The following LMTK2 variants were observed in gnomAD, a reference collection of about 807,000 sequenced individuals.
LMTK2 encodes the protein lemur tail kinase 2.
LMTK2 carries 37 observed loss-of-function variants against 127.5 expected under a neutral mutation model. The observed-to-expected ratio is 0.29, with a 90% confidence interval of 0.22 to 0.38. The LOEUF (loss-of-function observed/expected upper bound fraction) is 0.38. LMTK2 is among the 10% of genes least tolerant of loss of function. LMTK2 has a pLI of 1.00. For missense variants in LMTK2, 1,694 were observed against 1,920.3 expected, an observed-to-expected ratio of 0.88 and a Z score of 2.20; for synonymous variants, 819 against 810.1, an observed-to-expected ratio of 1.01 and a Z score of -0.19.
chr7:98,159,898 T>C (rs1796987946), intron 6 of LMTK2, among the ~76,000 whole-genome samples: 1 of 152,188 alleles, frequency 6.6e-6, no homozygotes, highest in South Asian at 2.1e-4. Context: ...AGCAAACGTA[T>C]GTGACATTTA....
chr7:98,193,907 G>GC lies in LMTK2; in HGVS notation c.3445dup (p.Gln1149ProfsTer3). 6.2e-7 allele frequency: 1 copy of GC among 1,614,126 alleles called. No homozygotes were observed. Among genetic ancestry groups the GC allele is most frequent in the Non-Finnish European group, 8.5e-7 (1 of 1,180,042 alleles). ...AGTCCTCCCCGAGCAAAGTCCTGCT[G>GC]CCCAGGATAGCTGCCTGGAAGCCAG... On this transcript the variant is annotated frameshift_variant, in exon 11 of 14. Coordinates refer to ENST00000297293, the MANE Select transcript of LMTK2 (RefSeq NM_014916.4). LOFTEE classifies it high-confidence loss of function. This position sits in a 1 kb window ranked among gnomAD's most constrained non-coding sequence, Gnocchi z 4.1.
chr7:98,204,402 AG>A (rs1797758070), intron 13 of LMTK2, among the ~76,000 whole-genome samples: 1 of 151,976 alleles, frequency 6.6e-6, no homozygotes, highest in Non-Finnish European at 1.5e-5. Context: ...TGGGAGGATC[AG>A]TTGAGCCTGG....
chr7:98,141,606 T>C, intron 3 of LMTK2, 65 bp downstream of exon 3: 2 of 1,477,108 alleles, frequency 1.4e-6, no homozygotes, highest in Non-Finnish European at 1.9e-6. Flanking sequence ...AATGGGAGCC[T>C]AGCCATCATA....
intron 1 of LMTK2, among the ~76,000 whole-genome samples, chr7:98,116,822 C>T (rs1796293520): frequency 6.6e-6 from 1 of 152,176 alleles, no homozygotes; most frequent in Non-Finnish European, 1.5e-5. Flanking sequence ...AGTTATGCCC[C>T]TTGGGCTCCC....
intron 1 of LMTK2, among the ~76,000 whole-genome samples, chr7:98,131,470 CAT>C (rs922672920): frequency 3.3e-5 from 5 of 152,046 alleles, no homozygotes; most frequent in Admixed American, 6.6e-5. Flanking sequence ...TGGTATTTCA[CAT>C]GTCTCGCTAT....
At chr7:98,176,905 T>C (rs193052272) in intron 7 of LMTK2, among the ~76,000 whole-genome samples, 183 of 152,282 alleles carry the variant, frequency 1.2e-3, no homozygotes, top group African/African-American at 4.2e-3. Flanking sequence ...CACCAACTCT[T>C]AAGTGGTAGT....
intron 2 of LMTK2, among the ~76,000 whole-genome samples, chr7:98,139,967 G>T (rs1796651854): frequency 6.6e-6 from 1 of 152,016 alleles, no homozygotes; most frequent in Admixed American, 6.5e-5. Flanking sequence ...TTGATAATTG[G>T]CCGTGTCTAT....
chr7:98,134,563 C>T (rs189168855), intron 1 of LMTK2, among the ~76,000 whole-genome samples: 1 of 151,938 alleles, frequency 6.6e-6, no homozygotes, highest in Non-Finnish European at 1.5e-5. Context: ...GCCTGTAATC[C>T]CAGCGCTTTG....
intron 4 of LMTK2, 97 bp downstream of exon 4, chr7:98,151,552 C>CACAGGGCACG: frequency 2.1e-6 from 2 of 952,574 alleles, no homozygotes; most frequent in Non-Finnish European, 3.2e-6. Flanking sequence ...TCCACGTGCC[C>CACAGGGCACG]TGTGGGCCCT....
intron 11 of LMTK2, among the ~76,000 whole-genome samples, chr7:98,198,271 A>G (rs1584299028): frequency 1.3e-5 from 2 of 150,016 alleles, no homozygotes; most frequent in African/African-American, 4.9e-5. Context: ...GCTCACTGCA[A>G]CCTCCGCCTC....
In LMTK2 at chr7:98,171,102, G is replaced by T. The variant is rs985647360; in HGVS notation, c.658-439G>T. On this transcript the variant is annotated intron_variant, in intron 6 of 13. Transcript: ENST00000297293. This position sits in a 1 kb window ranked among gnomAD's most constrained non-coding sequence, Gnocchi z 5.1. The stretch of plus-strand genomic sequence containing the variant: ...TTCTTTCCTTCTCTCCCGCTCCATT[G>T]CTCCTCCAAGCTTTGGCAGTAACCA... Among the ~76,000 whole-genome samples the T allele has an allele frequency of 1.1e-4, 16 of 151,938 alleles. No individual in the cohort carries two copies. Among genetic ancestry groups the T allele is most frequent in the Non-Finnish European group, 1.9e-4 (13 of 68,004 alleles).
intron 11 of LMTK2, among the ~76,000 whole-genome samples, chr7:98,201,025 TTCTC>T (rs1303356499): frequency 2.0e-5 from 3 of 152,116 alleles, no homozygotes; most frequent in Non-Finnish European, 2.9e-5. Flanking sequence ...AGCTTTTCTT[TTCTC>T]TCTTTTTTTT....
At position 98,174,218 on chromosome 7, in the gene LMTK2, T is replaced by C. The variant is rs544995556; in HGVS notation, c.791+2544T>C. Among the ~76,000 whole-genome samples the C allele has an allele frequency of 2.0e-5, 3 of 152,298 alleles. No homozygotes were observed. In the South Asian group the frequency reaches 6.2e-4, roughly 32 times the overall value. On this transcript the variant is annotated intron_variant, in intron 7 of 13. Transcript: ENST00000297293. ...AGTAGCATATCATATAGTATATTTT[T>C]AAGTTGGAATTTAGAATATTTATTG...
intron 7 of LMTK2, among the ~76,000 whole-genome samples, chr7:98,177,911 G>C (rs528639544): frequency 6.6e-6 from 1 of 152,204 alleles, no homozygotes; most frequent in Admixed American, 6.5e-5. Flanking sequence ...CTCCTGGTAC[G>C]TCTCCATCCC....
chr7:98,196,170 CAG>C (rs1797619516), intron 11 of LMTK2, among the ~76,000 whole-genome samples: 1 of 149,058 alleles, frequency 6.7e-6, no homozygotes, highest in Non-Finnish European at 1.5e-5. Flanking sequence ...GCCTGGGTGA[CAG>C]AGTGAGACCT....
At chr7:98,121,664 G>T (rs1214286192) in intron 1 of LMTK2, among the ~76,000 whole-genome samples, 1 of 151,202 alleles carries the variant, frequency 6.6e-6, no homozygotes, top group Non-Finnish European at 1.5e-5. Context: ...AAACCAAAGT[G>T]CTAGCTTCCA....
chr7:98,127,665 T>G (rs1175466635), intron 1 of LMTK2, among the ~76,000 whole-genome samples: 2 of 152,200 alleles, frequency 1.3e-5, no homozygotes, highest in Non-Finnish European at 2.9e-5. Flanking sequence ...AATTAATGCA[T>G]GGACCAAGTA....
chr7:98,177,669 C>G (rs1299636459), intron 7 of LMTK2, among the ~76,000 whole-genome samples: 1 of 152,122 alleles, frequency 6.6e-6, no homozygotes, highest in African/African-American at 2.4e-5. Context: ...GTGGTGGACC[C>G]TATTCCAGCC....
At position 98,197,326 on chromosome 7, in the gene LMTK2, G is replaced by T. The variant is rs368110752; in HGVS notation, c.4107+2754G>T. ...CAGGGTCTGGCCCCAGTGAGTAGCA[G>T]TGCTAGGGCTTGACCCAAGTCTCCT... On this transcript the variant is annotated intron_variant, in intron 11 of 13. Transcript: ENST00000297293. Among the ~76,000 whole-genome samples, 229 of 152,362 alleles carry T rather than the reference G, an allele frequency of 1.5e-3. 1 individual carries two copies. Among genetic ancestry groups the T allele is most frequent in the African/African-American group, 5.2e-3 (217 of 41,586 alleles).
Sources: allele counts gnomAD v4.1 joint callset (sites outside exome capture counted in the v4.1 genomes callset), GRCh38; gene constraint gnomAD v4.1.1; non-coding constraint Gnocchi (gnomAD v3.1); transcripts MANE v1.5; gene names NCBI Gene and HGNC (gene_info 2026-07-23, HGNC 2026-07-21).